DIDO1: variants seen among roughly 807,000 people sequenced by gnomAD.
DIDO1 encodes the protein death inducer-obliterator 1.
DIDO1 carries 16 observed loss-of-function variants against 99.4 expected under a neutral mutation model. The ratio of observed to expected loss-of-function variants is 0.16; its 90% confidence interval spans 0.11 to 0.24. The LOEUF (loss-of-function observed/expected upper bound fraction) is 0.24, where lower values mean the gene tolerates loss of function less well. DIDO1 is among the 10% of genes least tolerant of loss of function. DIDO1 has a pLI of 1.00. For synonymous variants in DIDO1, 1,366 were observed against 1,239.1 expected, an observed-to-expected ratio of 1.10 and a Z score of -2.15; for missense variants, 2,996 against 3,014.0, an observed-to-expected ratio of 0.99 and a Z score of 0.14.
chr20:62,912,479 T>C (rs576807761), intron 2 of DIDO1, among the ~76,000 whole-genome samples: 2 of 152,056 alleles, frequency 1.3e-5, no homozygotes, highest in South Asian at 2.1e-4. Context: ...AGGCTGGAGT[T>C]AGCCACTGTG....
At position 62,911,646 on chromosome 20, in the gene DIDO1, A is replaced by C; in HGVS notation, c.-2-32T>G. 6.6e-7 allele frequency: 1 copy of C among 1,504,910 alleles called. No individual in the cohort carries two copies. Among genetic ancestry groups the C allele is most frequent in the Non-Finnish European group, 8.9e-7 (1 of 1,124,810 alleles). 93.2% of individuals were successfully genotyped at this position (1,504,910 alleles called of 1,614,324 possible). On this transcript the variant is annotated intron_variant, in intron 2 of 15. Coordinates refer to ENST00000395343, the MANE Select transcript of DIDO1 (RefSeq NM_001193369.2). This position sits in a 1 kb window ranked among gnomAD's most constrained non-coding sequence, Gnocchi z 7.0. ...GTAAAGTGTAAGCACATAGTGACCA[A>C]CTGACCACAGAACAAAAGGTGACAT...
In DIDO1 at chr20:62,896,792, G is replaced by A; in HGVS notation, c.1793C>T (p.Pro598Leu). ...ACTCGATGGGGTAGCGGAGAGCCAT[G>A]GCCTCTTGGGGATGGTGCCCTTGAA... ...SGFKGTIPKR[P>L]WLSATPSSGA... Residue 598 changes from proline (P) to leucine (L), a missense_variant, in exon 7 of 16, where the codon CCA becomes CTA. Physicochemically the swap from Pro to Leu is moderately conservative, Grantham distance 98. This residue lies in a region of DIDO1 where 898 missense variants were observed against 972.7 expected (regional missense o/e 0.92). Coordinates refer to ENST00000395343, the MANE Select transcript of DIDO1 (RefSeq NM_001193369.2). The surrounding 1 kb of genome is among the most constrained non-coding windows in gnomAD (Gnocchi z 4.4). The A allele has an allele frequency of 6.2e-7, 1 of 1,614,156 alleles. No individual in the cohort carries two copies. The highest frequency in any genetic ancestry group is 8.5e-7 in the Non-Finnish European group (1 of 1,180,056).
upstream of DIDO1, among the ~76,000 whole-genome samples, chr20:62,929,581 C>G (rs928743912): frequency 4.0e-5 from 6 of 151,290 alleles, no homozygotes; most frequent in African/African-American, 1.5e-4. Flanking sequence ...CCTCAGTGCC[C>G]GGCGCGCCGG....
intron 15 of DIDO1, chr20:62,890,140 C>G: frequency 1.0e-6 from 1 of 985,944 alleles, no homozygotes; most frequent in Non-Finnish European, 1.2e-6. Context: ...CCAGACAGCA[C>G]CTGCCTTTAT....
chr20:62,879,721 T>G lies in DIDO1; in HGVS notation c.6235A>C (p.Arg2079=). 1 of 1,611,700 alleles carries G rather than the reference T, an allele frequency of 6.2e-7. No individual in the cohort carries two copies. Among genetic ancestry groups the G allele is most frequent in the Non-Finnish European group, 8.5e-7 (1 of 1,179,806 alleles). The change falls in exon 16 of 16, where the codon AGA becomes CGA. Residue 2079 remains arginine (R), a synonymous_variant. Transcript: ENST00000395343. This position sits in a 1 kb window ranked among gnomAD's most constrained non-coding sequence, Gnocchi z 6.3. ...TGCCTCCCTTCGAAAGTCTGGTTTCTGTATTCGTGGCCTTTCCCCTCTCGG... is the reference window on the plus strand; with the variant it reads ...TGCCTCCCTTCGAAAGTCTGGTTTCGGTATTCGTGGCCTTTCCCCTCTCGG... ...DFREGKGHEY[R]NQTFEGRQRE...
intron 14 of DIDO1, among the ~76,000 whole-genome samples, chr20:62,891,592 G>C (rs542643512): frequency 6.6e-6 from 1 of 152,106 alleles, no homozygotes; most frequent in African/African-American, 2.4e-5. Flanking sequence ...CCCTGAGCCT[G>C]ATCACCCCTG....
chr20:62,902,568 A>AT (rs1190681103), intron 6 of DIDO1, among the ~76,000 whole-genome samples: 1 of 152,096 alleles, frequency 6.6e-6, no homozygotes, highest in Non-Finnish European at 1.5e-5. Flanking sequence ...CCCCCCATGT[A>AT]TTTTTTATTA....
rs745979245 is a variant in DIDO1, at chr20:62,878,570, T to C, written c.*663A>G. ...GCTGGTAAAACTTAACATTTTTCAA[T>C]AAATTGTTATTTAAAATGCAACAAT... On this transcript the variant is annotated 3_prime_UTR_variant, in exon 16 of 16. Coordinates refer to ENST00000395343, the MANE Select transcript of DIDO1 (RefSeq NM_001193369.2). The C allele has an allele frequency of 2.6e-5, 4 of 152,238 alleles. No homozygotes were observed. Among genetic ancestry groups the C allele is most frequent in the South Asian group, 2.1e-4 (1 of 4,836 alleles). 9.4% of individuals were successfully genotyped at this position (152,238 alleles called of 1,614,324 possible).
At chr20:62,929,687 G>GAAAAAAAAAAAAA (rs1387806644), upstream of DIDO1, among the ~76,000 whole-genome samples, 1 of 58,118 alleles carries the variant, frequency 1.7e-5, no homozygotes, top group African/African-American at 1.4e-4. Flanking sequence ...CCAGAAAAAA[G>GAAAAAAAAAAAAA]AAAAAGTGTA....
intron 8 of DIDO1, 109 bp from the exon 9 acceptor site, chr20:62,895,274 G>A: frequency 2.1e-6 from 2 of 951,646 alleles, no homozygotes; most frequent in Non-Finnish European, 3.2e-6. Flanking sequence ...CAGGACAAAG[G>A]CCCTCAGGGC....
At chr20:62,919,864 C>G (rs1170794516) in intron 1 of DIDO1, among the ~76,000 whole-genome samples, 1 of 152,210 alleles carries the variant, frequency 6.6e-6, no homozygotes, top group Non-Finnish European at 1.5e-5. Flanking sequence ...GAAATTTCAA[C>G]TCTCCAAATG....
At chr20:62,905,286 C>T in intron 6 of DIDO1, 2 of 1,381,856 alleles carry the variant, frequency 1.4e-6, no homozygotes, top group African/African-American at 1.5e-5. Context: ...GAGTGTGTGG[C>T]CTTCGAAGTT....
chr20:62,887,916 G>A, intron 15 of DIDO1: 1 of 985,128 alleles, frequency 1.0e-6, no homozygotes, highest in Non-Finnish European at 1.2e-6. Flanking sequence ...CCCACTGCGG[G>A]GCAGAGGGGC....
rs747054543 is a variant in DIDO1 at position 62,905,871 on chromosome 20, C to T, written c.1588+16G>A. 3 of 1,614,112 alleles carry T rather than the reference C, an allele frequency of 1.9e-6. No homozygotes were observed. The South Asian group carries it at 3.3e-5, about 18-fold the overall frequency. On this transcript the variant is annotated intron_variant, in intron 6 of 15. Coordinates refer to ENST00000395343, the MANE Select transcript of DIDO1 (RefSeq NM_001193369.2). Reference sequence around the variant, plus strand: ...ACGGGAGGGGTCCAGGAGGCCAACCCCTAGGTGATACATACATTTATACAA... The same window carrying T: ...ACGGGAGGGGTCCAGGAGGCCAACCTCTAGGTGATACATACATTTATACAA...
intron 8 of DIDO1, among the ~76,000 whole-genome samples, chr20:62,895,379 T>C (rs2064495959): frequency 1.3e-5 from 2 of 152,142 alleles, no homozygotes; most frequent in South Asian, 2.1e-4. Context: ...ATATCCCTGC[T>C]GTGAGCAAAT....
chr20:62,936,115 T>C (rs547738092), intron 1 of DIDO1, among the ~76,000 whole-genome samples: 1 of 152,322 alleles, frequency 6.6e-6, no homozygotes, highest in South Asian at 2.1e-4. Context: ...CTTGCACACT[T>C]TCTCCTTGAC....
At chr20:62,930,218 CA>C (rs11477620), upstream of DIDO1, among the ~76,000 whole-genome samples, 46,399 of 140,348 alleles carry the variant, frequency 0.33, 7,669 homozygotes, top group Middle Eastern at 0.45. Flanking sequence ...AACAAACAAA[CA>C]AAAAAAAAAA....
At position 62,905,825 on chromosome 20, in the gene DIDO1, G is replaced by C. The variant is rs763429836; in HGVS notation, c.1588+62C>G. 3.7e-6 allele frequency: 6 copies of C among 1,613,868 alleles called. No homozygotes were observed. In the East Asian group the frequency reaches 1.3e-4, roughly 36 times the overall value. On this transcript the variant is annotated intron_variant, in intron 6 of 15. Transcript: ENST00000395343. ...CAACTCCCAGTCCTGGACAGGCCCA[G>C]GGGATGGCTATCCAGAAAGAACGGG...
In DIDO1 at chr20:62,880,812, G is replaced by C. The variant is rs1287470080; in HGVS notation, c.5144C>G (p.Pro1715Arg). 17 of 1,612,774 alleles carry C rather than the reference G, an allele frequency of 1.1e-5. No individual in the cohort carries two copies. Among genetic ancestry groups the C allele is most frequent in the Non-Finnish European group, 1.4e-5 (17 of 1,179,960 alleles). ...TCTGTCCCCCTCTGTTTCACCTGCA[G>C]GGCTGCTGCTCCTTCCAGCAGAATG... ...NLHSAGRSSS[P>R]AGETEGDREP... The change falls in exon 16 of 16, where the codon CCT becomes CGT. Residue 1715 changes from proline (P) to arginine (R), a missense_variant. Pro to Arg is a moderately radical substitution (Grantham distance 103). Transcript: ENST00000395343.
Sources: gnomAD v4.1 joint callset for allele counts (sites outside exome capture counted in the v4.1 genomes callset) on GRCh38, gnomAD v4.1.1 for gene constraint, gnomAD v4.1.1 regional missense constraint, Gnocchi (gnomAD v3.1) non-coding constraint, MANE v1.5 for transcripts, NCBI Gene and HGNC (gene_info 2026-07-23, HGNC 2026-07-21) for gene names.